Variants in PDE4D observed in about 807,000 individuals in gnomAD.
The protein encoded by PDE4D is 3',5'-cyclic-AMP phosphodiesterase 4D.
Under a neutral mutation model 87.4 loss-of-function variants are expected in PDE4D, and 24 were observed. That is an observed-to-expected ratio of 0.27 (90% CI 0.20 to 0.39). The LOEUF (loss-of-function observed/expected upper bound fraction) is 0.39, where lower values mean the gene tolerates loss of function less well. PDE4D is among the 10% of genes least tolerant of loss of function. The pLI, the probability that PDE4D is intolerant of heterozygous loss-of-function variation, is 1.00. For synonymous variants in PDE4D, 384 were observed against 383.2 expected (o/e 1.00, Z -0.02); for missense variants, 714 against 1,041.0 (o/e 0.69, Z 4.32).
In PDE4D at chr5:60,406,989, G is replaced by C. The variant is rs188101579; in HGVS notation, c.-90+80953C>G. Among the ~76,000 whole-genome samples, 292 of 152,168 alleles carry C rather than the reference G, an allele frequency of 1.9e-3. 1 individual carries two copies. The highest frequency in any genetic ancestry group is 3.8e-3 in the Admixed American group (58 of 15,290). On this transcript the variant is annotated intron_variant, in intron 1 of 16. Coordinates refer to the PDE4D transcript ENST00000502484. Reference sequence around the variant, plus strand: ...AAGCACCAAGAGCAGTGTGTTCACCGAAATGTGACTGAAATTGGAAATAAG... The same window carrying C: ...AAGCACCAAGAGCAGTGTGTTCACCCAAATGTGACTGAAATTGGAAATAAG...
intron 2 of PDE4D, among the ~76,000 whole-genome samples, chr5:59,211,654 T>C (rs1750108977): frequency 6.6e-6 from 1 of 152,238 alleles, no homozygotes; most frequent in Admixed American, 6.5e-5. Context: ...TAAAATGGCA[T>C]AACAATGTCC....
intron 1 of PDE4D, among the ~76,000 whole-genome samples, chr5:59,265,877 C>T (rs373715090): frequency 1.2e-3 from 177 of 152,038 alleles, no homozygotes; most frequent in African/African-American, 4.1e-3. Context: ...ACAATAAATA[C>T]AAATTGCCAC....
At position 59,361,955 on chromosome 5, in the gene PDE4D, T is replaced by A. The variant is rs552469878; in HGVS notation, c.456-145987A>T. ...TATTTGATTGATTAATTAATTTTTT[T>A]AATCAAAATACCATTGGGCAAGTTT... On this transcript the variant is annotated intron_variant, in intron 1 of 14. Coordinates refer to ENST00000340635, the MANE Select transcript of PDE4D (RefSeq NM_001104631.2). 2.6e-5 allele frequency among the ~76,000 whole-genome samples: 4 copies of A among 152,308 alleles called. No individual in the cohort carries two copies. In the South Asian group the frequency reaches 8.3e-4, roughly 32 times the overall value.
At chr5:60,519,050 C>A (rs1270429343) in intron 1 of PDE4D, among the ~76,000 whole-genome samples, 1 of 152,140 alleles carries the variant, frequency 6.6e-6, no homozygotes, top group Non-Finnish European at 1.5e-5. Context: ...ATGGTGGTTT[C>A]TCCACAGAGC....
chr5:59,735,857 C>A (rs191349856), intron 1 of PDE4D, among the ~76,000 whole-genome samples: 2 of 151,924 alleles, frequency 1.3e-5, no homozygotes, highest in Non-Finnish European at 2.9e-5. Context: ...TTAGTACAGA[C>A]GGGATTTCAC....
chr5:60,209,695 G>A (rs564360658), intron 1 of PDE4D, among the ~76,000 whole-genome samples: 6 of 152,074 alleles, frequency 3.9e-5, no homozygotes, highest in Admixed American at 2.0e-4. Context: ...AAAGAGAGCC[G>A]GAGGGAGGAG....
chr5:59,689,683 C>A (rs1175875344), intron 1 of PDE4D, among the ~76,000 whole-genome samples: 8 of 152,156 alleles, frequency 5.3e-5, no homozygotes, highest in Non-Finnish European at 1.0e-4. Context: ...CCCTTTCTCA[C>A]CACTCCTATT....
intron 1 of PDE4D, among the ~76,000 whole-genome samples, chr5:59,650,255 C>G (rs1743231163): frequency 6.6e-6 from 1 of 151,870 alleles, no homozygotes; most frequent in African/African-American, 2.4e-5. Context: ...TTTAAAACAC[C>G]TTTTCCTTTT....
chr5:58,978,215 G>GGCTGCAGTGAGCCATTATATCGTGCC (rs1580049337), intron 11 of PDE4D, among the ~76,000 whole-genome samples: 3 of 146,944 alleles, frequency 2.0e-5, no homozygotes, highest in Admixed American at 6.9e-5. Flanking sequence ...AGGAGTTCAA[G>GGCTGCAGTGAGCCATTATATCGTGCC]ACCAGCCTGG....
chr5:59,557,574 A>G (rs550122564), intron 1 of PDE4D, among the ~76,000 whole-genome samples: 1 of 152,190 alleles, frequency 6.6e-6, no homozygotes, highest in Non-Finnish European at 1.5e-5. Context: ...TACTTCAGAA[A>G]TAATTTAGTC....
At chr5:59,486,738 TC>T in intron 1 of PDE4D, among the ~76,000 whole-genome samples, 1 of 152,274 alleles carries the variant, frequency 6.6e-6, no homozygotes, top group South Asian at 2.1e-4. Flanking sequence ...GTACATTACT[TC>T]CCTTTCTGAG....
chr5:59,505,846 T>A (rs1197664510), intron 1 of PDE4D, among the ~76,000 whole-genome samples: 3 of 151,440 alleles, frequency 2.0e-5, no homozygotes, highest in African/African-American at 7.3e-5. Context: ...AAGAAGCACA[T>A]TTTTTTTTCT....
At chr5:59,451,079 G>T (rs1016812174) in intron 1 of PDE4D, among the ~76,000 whole-genome samples, 1 of 152,026 alleles carries the variant, frequency 6.6e-6, no homozygotes, top group African/African-American at 2.4e-5. Flanking sequence ...CTTCAATCTG[G>T]TTTATGCTCC....
chr5:59,709,803 C>T (rs1026502549), intron 1 of PDE4D, among the ~76,000 whole-genome samples: 13 of 152,118 alleles, frequency 8.5e-5, no homozygotes. Context: ...TAGCTTAGAT[C>T]CTACAACCAG....
chr5:58,995,084 A>G (rs1340327858), intron 6 of PDE4D, among the ~76,000 whole-genome samples: 1 of 152,188 alleles, frequency 6.6e-6, no homozygotes, highest in East Asian at 1.9e-4. Flanking sequence ...TGGCATGACC[A>G]GTACAAATTC....
Position 59,884,300 on chromosome 5 carries a change from A to G in PDE4D, c.455+8868T>C, listed in dbSNP as rs894699606. 4.6e-5 allele frequency among the ~76,000 whole-genome samples: 7 copies of G among 150,738 alleles called. No homozygotes were observed. The South Asian group carries it at 1.3e-3, about 28-fold the overall frequency. On this transcript the variant is annotated intron_variant, in intron 1 of 14. Transcript: ENST00000340635. ...TATAAATACACACACACATATATAT[A>G]TACACACACATACCACACATACACC...
chr5:59,700,892 A>C (rs1752462643), intron 1 of PDE4D, among the ~76,000 whole-genome samples: 1 of 152,212 alleles, frequency 6.6e-6, no homozygotes, highest in Non-Finnish European at 1.5e-5. Flanking sequence ...CCACAGCAGG[A>C]GCCACCTTTT....
At chr5:59,267,334 G>C (rs1308001832) in intron 1 of PDE4D, among the ~76,000 whole-genome samples, 1 of 152,018 alleles carries the variant, frequency 6.6e-6, no homozygotes, top group African/African-American at 2.4e-5. Context: ...CTGAATGTTA[G>C]GAATTATTAT....
At chr5:59,057,160 T>C (rs1498601) in intron 5 of PDE4D, among the ~76,000 whole-genome samples, 100,434 of 152,028 alleles carry the variant, frequency 0.66, 33,404 homozygotes, top group East Asian at 0.88. Context: ...TCCCCCATTT[T>C]TTTCTGCAGA....
Sources: allele counts gnomAD v4.1 joint callset (sites outside exome capture counted in the v4.1 genomes callset), GRCh38; gene constraint gnomAD v4.1.1; transcripts MANE v1.5; gene names NCBI Gene and HGNC (gene_info 2026-07-23, HGNC 2026-07-21).